Variants in RIN3 observed in about 807,000 individuals in gnomAD.
The protein encoded by RIN3 is Ras and Rab interactor 3.
In RIN3, 54 loss-of-function variants were observed where a neutral mutation model predicts 76.3. That is an observed-to-expected ratio of 0.71 (90% CI 0.57 to 0.89). The LOEUF (loss-of-function observed/expected upper bound fraction) is 0.89, where lower values mean the gene tolerates loss of function less well. Among genes scored for constraint, RIN3 ranks in the 40% least tolerant of loss-of-function variants. RIN3 has a pLI of 0.00. For synonymous variants in RIN3, 576 were observed against 564.0 expected, an observed-to-expected ratio of 1.02 and a Z score of -0.30; for missense variants, 1,256 against 1,322.1, an observed-to-expected ratio of 0.95 and a Z score of 0.78.
chr14:92,611,818 T>C (rs1885750133), intron 3 of RIN3, among the ~76,000 whole-genome samples: 1 of 152,158 alleles, frequency 6.6e-6, no homozygotes, highest in South Asian at 2.1e-4. Flanking sequence ...GACTGGGTAA[T>C]TTGTAAGAAA....
intron 8 of RIN3, among the ~76,000 whole-genome samples, chr14:92,678,908 G>A (rs1026211161): frequency 6.6e-6 from 1 of 152,158 alleles, no homozygotes; most frequent in African/African-American, 2.4e-5. Flanking sequence ...GCACACAGAA[G>A]AACCACAGGC....
At chr14:92,551,363 C>T (rs1224131561) in intron 1 of RIN3, among the ~76,000 whole-genome samples, 1 of 152,154 alleles carries the variant, frequency 6.6e-6, no homozygotes, top group African/African-American at 2.4e-5. Flanking sequence ...CGCTGATGGA[C>T]ACTGGAACCA....
At chr14:92,683,563 T>C (rs1029525013) in intron 8 of RIN3, among the ~76,000 whole-genome samples, 20 of 152,046 alleles carry the variant, frequency 1.3e-4, no homozygotes, top group African/African-American at 2.4e-4. Flanking sequence ...TTAGGAAACA[T>C]TGTGTATTAA....
chr14:92,627,676 A>G (rs1886405556), intron 4 of RIN3, among the ~76,000 whole-genome samples: 1 of 152,188 alleles, frequency 6.6e-6, no homozygotes, highest in Non-Finnish European at 1.5e-5. Flanking sequence ...GTCCAGGTTT[A>G]TTCGTCACAG....
At chr14:92,639,248 G>A (rs888728106) in intron 4 of RIN3, among the ~76,000 whole-genome samples, 16 of 152,364 alleles carry the variant, frequency 1.1e-4, no homozygotes, top group Non-Finnish European at 2.2e-4. Context: ...CAGGGAGGAG[G>A]TAGCTCTGGC....
chr14:92,539,573 C>T (rs909809312), intron 1 of RIN3, among the ~76,000 whole-genome samples: 17 of 152,104 alleles, frequency 1.1e-4, no homozygotes, highest in African/African-American at 3.9e-4. Flanking sequence ...CATGCAGTAC[C>T]GGGGACAGGA....
Position 92,652,116 on chromosome 14 carries a change from A to G in RIN3, c.1067A>G (p.Glu356Gly). The G allele has an allele frequency of 6.2e-7, 1 of 1,607,592 alleles. No individual in the cohort carries two copies. The highest frequency in any genetic ancestry group is 8.5e-7 in the Non-Finnish European group (1 of 1,179,712). ...CPTAGLGPLR[E>G]EAMKPGAASS... ...ACTGCAGGCCTGGGCCCCCTCAGGG[A>G]GGAAGCGATGAAGCCAGGGGCAGCC... is the stretch of plus-strand genomic sequence containing the variant. The change falls in exon 6 of 10, where the codon GAG becomes GGG. Residue 356 changes from glutamate (E) to glycine (G), a missense_variant. By Grantham distance (98) the Glu-to-Gly change is moderately conservative. Transcript: ENST00000216487. This position sits in a 1 kb window ranked among gnomAD's most constrained non-coding sequence, Gnocchi z 6.4.
intron 3 of RIN3, among the ~76,000 whole-genome samples, chr14:92,603,909 A>G (rs1427252404): frequency 6.6e-6 from 1 of 152,246 alleles, no homozygotes; most frequent in East Asian, 1.9e-4. Flanking sequence ...TACCCCAGGA[A>G]CACAAAGCAA....
chr14:92,515,397 A>C (rs1595381595), intron 1 of RIN3: 2 of 579,068 alleles, frequency 3.5e-6, no homozygotes, highest in South Asian at 4.2e-5. Flanking sequence ...CATTTTCCCC[A>C]GAGATGACCT....
chr14:92,557,024 C>T (rs983485076), intron 2 of RIN3, among the ~76,000 whole-genome samples: 1 of 152,228 alleles, frequency 6.6e-6, no homozygotes, highest in African/African-American at 2.4e-5. Flanking sequence ...ACACTCCCTC[C>T]CCCTTCTCCC....
At chr14:92,657,189 C>T (rs35291284) in intron 6 of RIN3, among the ~76,000 whole-genome samples, 25,755 of 151,992 alleles carry the variant, frequency 0.17, 2,779 homozygotes, top group Non-Finnish European at 0.23. Flanking sequence ...TGAAACCCCC[C>T]TCTCTACAAA....
chr14:92,522,299 G>T (rs948153329), intron 1 of RIN3, among the ~76,000 whole-genome samples: 1 of 151,492 alleles, frequency 6.6e-6, no homozygotes, highest in Non-Finnish European at 1.5e-5. Flanking sequence ...CCGGTGGGGG[G>T]CTCTCACCTG....
chr14:92,676,461 C>T lies in RIN3; in HGVS notation c.2336-14C>T. ...CCTGGAACTCATCTCCCTCTGCCTC[C>T]TTCTTCTTCCCAGGGAAGCCCTATG... is the stretch of plus-strand genomic sequence containing the variant. On this transcript the variant is annotated splice_polypyrimidine_tract_variant and intron_variant, in intron 7 of 9. Transcript: ENST00000216487. 1 of 1,612,214 alleles carries T rather than the reference C, an allele frequency of 6.2e-7. No individual in the cohort carries two copies.
rs1245765876 is a variant in RIN3 at position 92,659,183 on chromosome 14, G to A, written c.2049G>A (p.Leu683=). 13 of 1,614,068 alleles carry A rather than the reference G, an allele frequency of 8.1e-6. No homozygotes were observed. The highest frequency in any genetic ancestry group is 1.3e-5 in the African/African-American group (1 of 74,914). ...CAGAAGCAATTGTAGAGTCTGCCTT[G>A]TACAAATGTGTCCTGAAGCCCCTGA... ...EELEAIVESA[L]YKCVLKPLKE... is the part of the protein sequence containing the mutation. Residue 683 remains leucine (L), a synonymous_variant, in exon 7 of 10, where the codon TTG becomes TTA. Transcript: ENST00000216487.
rs1297557554 is a variant in RIN3 at position 92,688,442 on chromosome 14, C to G, written c.*190C>G. On this transcript the variant is annotated 3_prime_UTR_variant, in exon 10 of 10. Coordinates refer to ENST00000216487, the MANE Select transcript of RIN3 (RefSeq NM_024832.5). ...CAAGGCCACTTCCTGAGGGCAAGTC[C>G]TAATAGCCCTGAGACACCGAGACGG... The G allele has an allele frequency of 5.0e-6, 3 of 597,396 alleles. No individual in the cohort carries two copies. Among genetic ancestry groups the G allele is most frequent in the Admixed American group, 6.1e-5 (2 of 32,584 alleles). 37.0% of individuals were successfully genotyped at this position (597,396 alleles called of 1,614,324 possible). A position where few individuals can be genotyped will look rare whatever the true frequency, so the allele number is the denominator to read the frequency against.
chr14:92,688,264 G>T lies in RIN3; in HGVS notation c.*12G>T. 6.4e-7 allele frequency: 1 copy of T among 1,557,950 alleles called. No individual in the cohort carries two copies. On this transcript the variant is annotated 3_prime_UTR_variant, in exon 10 of 10. Coordinates refer to ENST00000216487, the MANE Select transcript of RIN3 (RefSeq NM_024832.5). ...CCAACTTCCTGTGAGGCCCTCCCGGGGCGCCTCCCCTCACCCCCAGGCGCA... is the reference window on the plus strand; with the variant it reads ...CCAACTTCCTGTGAGGCCCTCCCGGTGCGCCTCCCCTCACCCCCAGGCGCA...
Position 92,576,160 on chromosome 14 carries a change from G to A in RIN3, c.250-1200G>A, listed in dbSNP as rs538566893. The A allele has an allele frequency of 5.9e-6, 7 of 1,179,988 alleles. No individual in the cohort carries two copies. In the South Asian group the frequency reaches 7.3e-5, roughly 12 times the overall value. The allele number at this position is 1,179,988 out of a possible 1,614,324, so 73.1% of individuals were successfully genotyped here. A position where few individuals can be genotyped will look rare whatever the true frequency, so the allele number is the denominator to read the frequency against. On this transcript the variant is annotated intron_variant, in intron 2 of 9. Transcript: ENST00000216487. ...TTCCTGGGGAAGCTGTGCCACAGGA[G>A]GCTGGGGAGATTCCAGAAGGTGTCA...
At chr14:92,667,741 C>A (rs1226738180) in intron 7 of RIN3, among the ~76,000 whole-genome samples, 3 of 152,118 alleles carry the variant, frequency 2.0e-5, no homozygotes, top group Non-Finnish European at 2.9e-5. Context: ...GTGTACTTCT[C>A]ACTCATGTAA....
intron 1 of RIN3, among the ~76,000 whole-genome samples, chr14:92,519,767 T>C (rs1250449693): frequency 1.3e-5 from 2 of 152,194 alleles, no homozygotes; most frequent in African/African-American, 4.8e-5. Flanking sequence ...CACAGTGTAG[T>C]ACAGCGAAGC....
Sources: gnomAD v4.1 joint callset for allele counts (sites outside exome capture counted in the v4.1 genomes callset) on GRCh38, gnomAD v4.1.1 for gene constraint, Gnocchi (gnomAD v3.1) non-coding constraint, MANE v1.5 for transcripts, NCBI Gene and HGNC (gene_info 2026-07-23, HGNC 2026-07-21) for gene names.